ZNF385D: variants seen among roughly 807,000 people sequenced by gnomAD.
ZNF385D encodes the protein zinc finger protein 659.
Under a neutral mutation model 35.8 loss-of-function variants are expected in ZNF385D, and 15 were observed. The observed-to-expected ratio is 0.42, with a 90% confidence interval of 0.28 to 0.64. The LOEUF is 0.64. Among genes scored for constraint, ZNF385D ranks in the 30% least tolerant of loss-of-function variants. ZNF385D has a pLI of 0.23. For synonymous variants in ZNF385D, 212 were observed against 186.8 expected, an observed-to-expected ratio of 1.13 and a Z score of -1.10; for missense variants, 474 against 494.6, an observed-to-expected ratio of 0.96 and a Z score of 0.39.
At chr3:22,174,324 T>C (rs1387876344) in intron 2 of ZNF385D, among the ~76,000 whole-genome samples, 1 of 152,126 alleles carries the variant, frequency 6.6e-6, no homozygotes, top group East Asian at 1.9e-4. Flanking sequence ...CTTGTCAAAG[T>C]GGCAAACCTC....
At chr3:21,524,744 A>G (rs961059151) in intron 3 of ZNF385D, among the ~76,000 whole-genome samples, 20 of 152,164 alleles carry the variant, frequency 1.3e-4, no homozygotes, top group African/African-American at 4.8e-4. Flanking sequence ...CTGAGTTAAA[A>G]TTGTAGTGGA....
chr3:22,171,876 C>CA (rs370469654), intron 2 of ZNF385D, among the ~76,000 whole-genome samples: 2,300 of 100,506 alleles, frequency 0.023, 80 homozygotes, highest in Admixed American at 0.033. Context: ...GACTCGGTCT[C>CA]AAAAAAAAAA....
At chr3:21,594,739 T>G (rs984512712) in intron 2 of ZNF385D, among the ~76,000 whole-genome samples, 5 of 152,166 alleles carry the variant, frequency 3.3e-5, no homozygotes, top group East Asian at 3.8e-4. Flanking sequence ...TTTTTAAACT[T>G]TTCAATAAGT....
chr3:21,437,435 C>T (rs1010063468), intron 4 of ZNF385D, among the ~76,000 whole-genome samples: 1 of 151,780 alleles, frequency 6.6e-6, no homozygotes, highest in Admixed American at 6.6e-5. Flanking sequence ...AATATAAATA[C>T]AAGTTAAAAA....
chr3:22,325,853 T>C (rs1357898051), intron 2 of ZNF385D, among the ~76,000 whole-genome samples: 1 of 152,318 alleles, frequency 6.6e-6, no homozygotes, highest in East Asian at 1.9e-4. Flanking sequence ...TCTAAAGGTC[T>C]GGTAGTTTTA....
intron 3 of ZNF385D, among the ~76,000 whole-genome samples, chr3:21,894,180 G>T (rs766636664): frequency 3.3e-5 from 5 of 151,602 alleles, no homozygotes; most frequent in Non-Finnish European, 4.4e-5. Context: ...ATTTTCCTTT[G>T]AACAACATAA....
At chr3:21,704,939 C>T (rs1278228565) in intron 1 of ZNF385D, among the ~76,000 whole-genome samples, 1 of 152,100 alleles carries the variant, frequency 6.6e-6, no homozygotes, top group Non-Finnish European at 1.5e-5. Flanking sequence ...TCATATATTT[C>T]CAAGAATATG....
chr3:21,718,531 A>T (rs1327247987), intron 1 of ZNF385D, among the ~76,000 whole-genome samples: 1 of 152,196 alleles, frequency 6.6e-6, no homozygotes, highest in Non-Finnish European at 1.5e-5. Flanking sequence ...TATCTTATTT[A>T]ATCCTCTCAA....
Position 21,959,059 on chromosome 3 carries a change from T to TA in ZNF385D, c.325+209757dup, listed in dbSNP as rs796798754. 83 of 152,320 alleles carry TA rather than the reference T, an allele frequency of 5.4e-4. 1 individual carries two copies. The highest frequency in any genetic ancestry group is 3.4e-3 in the Middle Eastern group (1 of 294). The allele number at this position is 152,320 out of a possible 1,614,324, so 9.4% of individuals were successfully genotyped here. On this transcript the variant is annotated intron_variant, in intron 3 of 5. Coordinates refer to the ZNF385D transcript ENST00000494108. ...ATTTGTTGTTTCTATTTCATGCAGT[T>TA]AATAAAGTTACTTTTAAAGTTATTT...
At chr3:22,088,569 A>G (rs1701163506) in intron 3 of ZNF385D, among the ~76,000 whole-genome samples, 1 of 152,180 alleles carries the variant, frequency 6.6e-6, no homozygotes. Flanking sequence ...CTGAGTATGG[A>G]CACCAACCAG....
At chr3:21,801,374 T>G (rs1310635467) in intron 3 of ZNF385D, among the ~76,000 whole-genome samples, 1 of 152,208 alleles carries the variant, frequency 6.6e-6, no homozygotes, top group African/African-American at 2.4e-5. Context: ...CTGCCATGTT[T>G]GAAGAGTTTT....
intron 3 of ZNF385D, among the ~76,000 whole-genome samples, chr3:21,813,800 C>T (rs2073035332): frequency 6.6e-6 from 1 of 152,080 alleles, no homozygotes; most frequent in African/African-American, 2.4e-5. Context: ...CCAGGAGAAC[C>T]TCCCCAATCT....
intron 1 of ZNF385D, among the ~76,000 whole-genome samples, chr3:21,711,559 C>A (rs1321297228): frequency 6.6e-6 from 1 of 152,170 alleles, no homozygotes; most frequent in Non-Finnish European, 1.5e-5. Context: ...AGAACCCATA[C>A]ATCATTGACA....
chr3:22,018,842 G>T lies in ZNF385D; in HGVS notation c.325+149975C>A, dbSNP rs140860035. ...ATTGATCCAGCTATTTCACAGAAAT[G>T]GGTGGAGTTTAATTGCTAATTTTTG... On this transcript the variant is annotated intron_variant, in intron 3 of 5. Transcript: ENST00000494108. Among the ~76,000 whole-genome samples the T allele has an allele frequency of 6.1e-3, 923 of 151,966 alleles. 10 individuals carry two copies. The highest frequency in any genetic ancestry group is 0.021 in the African/African-American group (852 of 41,474).
intron 1 of ZNF385D, among the ~76,000 whole-genome samples, chr3:21,724,464 G>A (rs2068668911): frequency 2.3e-5 from 1 of 43,840 alleles, no homozygotes; most frequent in Non-Finnish European, 4.1e-5. Flanking sequence ...TATTTACCAA[G>A]CAAATGGAAA....
intron 1 of ZNF385D, among the ~76,000 whole-genome samples, chr3:21,723,572 A>G (rs958007624): frequency 1.3e-5 from 2 of 152,230 alleles, no homozygotes; most frequent in African/African-American, 4.8e-5. Context: ...AGATCGATTT[A>G]ATGAAATAAA....
At chr3:21,809,605 TATATATAC>T (rs1225183044) in intron 3 of ZNF385D, among the ~76,000 whole-genome samples, 5 of 150,418 alleles carry the variant, frequency 3.3e-5, no homozygotes, top group African/African-American at 1.2e-4. Context: ...TATATACACA[TATATATAC>T]ATATATACAT....
chr3:22,332,796 CTA>C (rs962509494), intron 2 of ZNF385D, among the ~76,000 whole-genome samples: 2 of 151,940 alleles, frequency 1.3e-5, no homozygotes, highest in Admixed American at 6.6e-5. Context: ...CTAATAATTG[CTA>C]TGTTTCTGGA....
At chr3:21,453,188 T>C (rs952145469) in intron 4 of ZNF385D, among the ~76,000 whole-genome samples, 1 of 149,172 alleles carries the variant, frequency 6.7e-6, no homozygotes, top group African/African-American at 2.5e-5. Context: ...AAAAATGAAG[T>C]TGGACCCCTG....
Sources: gnomAD v4.1 joint callset for allele counts (sites outside exome capture counted in the v4.1 genomes callset) on GRCh38, gnomAD v4.1.1 for gene constraint, MANE v1.5 for transcripts, NCBI Gene and HGNC (gene_info 2026-07-23, HGNC 2026-07-21) for gene names.